The following FREM2 variants were observed in gnomAD, a reference collection of about 807,000 sequenced individuals.
FREM2 encodes FRAS1-related extracellular matrix protein 2.
FREM2 carries 119 observed loss-of-function variants against 219.9 expected under a neutral mutation model. The observed-to-expected ratio is 0.54, with a 90% CI of 0.47 to 0.63. FREM2 has a LOEUF of 0.63. FREM2 is among the 30% of genes least tolerant of loss of function. The pLI is 0.00. For missense variants in FREM2, 4,030 were observed against 3,993.6 expected (o/e 1.01, Z -0.25); for synonymous variants, 1,562 against 1,522.8 (o/e 1.03, Z -0.60).
intron 6 of FREM2, among the ~76,000 whole-genome samples, chr13:38,808,399 A>G (rs1197338211): frequency 6.6e-6 from 1 of 151,956 alleles, no homozygotes; most frequent in Admixed American, 6.6e-5. Flanking sequence ...AACTTGGATA[A>G]CTGTTGGGCA....
rs939534674 is a variant in FREM2 at position 38,689,550 on chromosome 13, C to T, written c.2206C>T (p.Arg736Ter). ...CTACACTGACCTGGACACAGATGAC[C>T]GAGAACTACGTTACACAGTGACTCA... The part of the protein sequence containing the change: ...LRYTDLDTDD[R>*]ELRYTVTQPP... Residue 736 changes from arginine (R) to a stop codon, truncating the protein, a stop_gained, in exon 1 of 24, where the codon CGA becomes TGA. Coordinates refer to ENST00000280481, the MANE Select transcript of FREM2 (RefSeq NM_207361.6). LOFTEE classifies it high-confidence loss of function. The T allele has an allele frequency of 8.1e-6, 13 of 1,613,418 alleles. No homozygotes were observed. Among genetic ancestry groups the T allele is most frequent in the East Asian group, 2.2e-5 (1 of 44,858 alleles).
intron 2 of FREM2, among the ~76,000 whole-genome samples, chr13:38,731,892 A>G (rs898910047): frequency 2.0e-5 from 3 of 152,248 alleles, no homozygotes; most frequent in Non-Finnish European, 2.9e-5. Context: ...AAATAACCAC[A>G]TTAGAAGAAA....
intron 2 of FREM2, among the ~76,000 whole-genome samples, chr13:38,715,600 T>C (rs912781163): frequency 2.0e-5 from 3 of 151,876 alleles, no homozygotes; most frequent in African/African-American, 7.3e-5. Context: ...AATGCACCAG[T>C]TGGTTTTTTT....
intron 23 of FREM2, among the ~76,000 whole-genome samples, chr13:38,879,307 CA>C (rs1446327884): frequency 3.3e-5 from 5 of 152,214 alleles, no homozygotes; most frequent in African/African-American, 1.2e-4. Context: ...CTGTGTCTGA[CA>C]GTTGAGTAAT....
In FREM2 at chr13:38,793,244, A is replaced by G. The variant is rs571674057; in HGVS notation, c.6019+8436A>G. On this transcript the variant is annotated intron_variant, in intron 6 of 23. Transcript: ENST00000280481. The stretch of plus-strand genomic sequence containing the variant: ...CCTTCCAGACTTTGGGGGTACACAG[A>G]TAAGTGAACAGACAAGCATAAAATA... 6.6e-5 allele frequency among the ~76,000 whole-genome samples: 10 copies of G among 152,356 alleles called. No individual in the cohort carries two copies. In the South Asian group the frequency reaches 1.9e-3, roughly 28 times the overall value.
At position 38,691,591 on chromosome 13, in the gene FREM2, G is replaced by A. The variant is rs908015419; in HGVS notation, c.4247G>A (p.Ser1416Asn). Residue 1416 changes from serine to asparagine, a missense_variant, in exon 1 of 24, where the codon AGC (serine) becomes AAC (asparagine). Transcript: ENST00000280481. ...CGTTACTTTTATGTGTCCATCGGGA[G>A]CATTGACATTGTCTTCCCTGATGTG... is the stretch of plus-strand genomic sequence containing the variant. Reference protein sequence around the residue: ...IDRYFYVSIGSIDIVFPDVIS... With the variant: ...IDRYFYVSIGNIDIVFPDVIS... The A allele has an allele frequency of 2.5e-6, 4 of 1,614,102 alleles. No homozygotes were observed. Among genetic ancestry groups the A allele is most frequent in the East Asian group, 2.2e-5 (1 of 44,884 alleles).
At chr13:38,707,700 A>G (rs1461555611) in intron 2 of FREM2, among the ~76,000 whole-genome samples, 1 of 152,212 alleles carries the variant, frequency 6.6e-6, no homozygotes, top group Non-Finnish European at 1.5e-5. Context: ...CACTTCAGAA[A>G]TTGAAAATAA....
intron 16 of FREM2, among the ~76,000 whole-genome samples, chr13:38,865,584 G>C (rs1186232849): frequency 1.3e-5 from 2 of 152,166 alleles, no homozygotes; most frequent in Non-Finnish European, 1.5e-5. Context: ...CCAGTAGCAA[G>C]AAAAAACTAG....
At chr13:38,818,580 G>A (rs1347750351) in intron 6 of FREM2, among the ~76,000 whole-genome samples, 1 of 152,020 alleles carries the variant, frequency 6.6e-6, no homozygotes, top group Non-Finnish European at 1.5e-5. Context: ...TTGATTAATA[G>A]GTACATGTTA....
chr13:38,693,536 C>T (rs990697099), intron 1 of FREM2, among the ~76,000 whole-genome samples: 4 of 152,130 alleles, frequency 2.6e-5, no homozygotes, highest in Non-Finnish European at 5.9e-5. Flanking sequence ...GTCAGGGCTC[C>T]GTTCTGCAGA....
chr13:38,724,399 G>A (rs1343427611), intron 2 of FREM2, among the ~76,000 whole-genome samples: 2 of 152,170 alleles, frequency 1.3e-5, no homozygotes, highest in Admixed American at 1.3e-4. Flanking sequence ...GCAAGTATAT[G>A]ACAGAGTTAG....
In FREM2 at chr13:38,766,808, C is replaced by T. The variant is rs191806405; in HGVS notation, c.5410+2358C>T. Among the ~76,000 whole-genome samples the T allele has an allele frequency of 4.1e-4, 63 of 152,302 alleles. No homozygotes were observed. The East Asian group carries it at 8.1e-3, about 20-fold the overall frequency. On this transcript the variant is annotated intron_variant, in intron 3 of 23. Coordinates refer to ENST00000280481, the MANE Select transcript of FREM2 (RefSeq NM_207361.6). ...TTTATTAAAGGCAAGGTACTTCATA[C>T]GTACATTAAGCACTTTATCTATCTC...
At chr13:38,741,212 T>C (rs984948942) in intron 2 of FREM2, among the ~76,000 whole-genome samples, 1 of 152,156 alleles carries the variant, frequency 6.6e-6, no homozygotes, top group Non-Finnish European at 1.5e-5. Flanking sequence ...CTTAGGCCAA[T>C]ATGACCACAA....
At chr13:38,761,828 CA>C (rs1195885321) in intron 2 of FREM2, among the ~76,000 whole-genome samples, 3 of 152,062 alleles carry the variant, frequency 2.0e-5, no homozygotes, top group Non-Finnish European at 4.4e-5. Context: ...GTGAGGGTGG[CA>C]AATCCCAGGA....
At chr13:38,843,592 T>A (rs1407990301) in intron 6 of FREM2, among the ~76,000 whole-genome samples, 1 of 152,198 alleles carries the variant, frequency 6.6e-6, no homozygotes, top group Non-Finnish European at 1.5e-5. Context: ...TTCCTTCCTC[T>A]TGCTTTAGTA....
chr13:38,785,383 C>G (rs1424374969), intron 6 of FREM2, among the ~76,000 whole-genome samples: 3 of 152,096 alleles, frequency 2.0e-5, no homozygotes, highest in Non-Finnish European at 2.9e-5. Context: ...CTTAATCTCC[C>G]CAGTTCAAGA....
chr13:38,740,215 T>C (rs1319322752), intron 2 of FREM2, among the ~76,000 whole-genome samples: 3 of 152,232 alleles, frequency 2.0e-5, no homozygotes, highest in African/African-American at 7.2e-5. Context: ...GTAGAATAAG[T>C]TTGCTCAAAT....
intron 16 of FREM2, among the ~76,000 whole-genome samples, chr13:38,869,500 T>C (rs971224009): frequency 6.6e-6 from 1 of 152,164 alleles, no homozygotes; most frequent in Admixed American, 6.5e-5. Flanking sequence ...ACACCAGACA[T>C]GAAGCTTACG....
rs141645139 is a variant in FREM2, at chr13:38,707,492, G to A, written c.5263+9705G>A. ...CAATTGTCCTCTTTCTATTCCCAGA[G>A]AGCTCTGACTACATTACTGCAGGTT... On this transcript the variant is annotated intron_variant, in intron 2 of 23. Coordinates refer to ENST00000280481, the MANE Select transcript of FREM2 (RefSeq NM_207361.6). Among the ~76,000 whole-genome samples the A allele has an allele frequency of 5.3e-3, 807 of 152,220 alleles. 5 individuals are homozygous for A. The highest frequency in any genetic ancestry group is 0.017 in the South Asian group (84 of 4,824).
Sources: gnomAD v4.1 joint callset for allele counts (sites outside exome capture counted in the v4.1 genomes callset) on GRCh38, gnomAD v4.1.1 for gene constraint, MANE v1.5 for transcripts, NCBI Gene and HGNC (gene_info 2026-07-23, HGNC 2026-07-21) for gene names.